ZMAT1: variants seen among roughly 807,000 people sequenced by gnomAD.
ZMAT1 encodes the protein zinc finger matrin-type protein 1.
ZMAT1 carries 11 observed loss-of-function variants against 18.5 expected under a neutral mutation model. The ratio of observed to expected loss-of-function variants is 0.59; its 90% confidence interval spans 0.37 to 0.98. The LOEUF (loss-of-function observed/expected upper bound fraction) is 0.98, where lower values mean the gene tolerates loss of function less well. Ranked by LOEUF, ZMAT1 falls within the 50% of genes least tolerant of loss-of-function variation. ZMAT1 has a pLI of 0.01. For synonymous variants in ZMAT1, 211 were observed against 176.4 expected (o/e 1.20, Z -1.55); for missense variants, 525 against 496.2 (o/e 1.06, Z -0.55).
At position 101,931,985 on chromosome X, in the gene ZMAT1, G is replaced by A. The variant is rs1930545938; in HGVS notation, c.24C>T (p.Val8=). 12 of 769,271 alleles carry A rather than the reference G, an allele frequency of 1.6e-5. No individual in the cohort carries two copies. The highest frequency in any genetic ancestry group is 2.3e-5 in the African/African-American group (1 of 43,681). 63.4% of individuals were successfully genotyped at this position (769,271 alleles called of 1,213,427 possible). A position where few individuals can be genotyped will look rare whatever the true frequency, so the allele number is the denominator to read the frequency against. Residue 8 remains valine, a synonymous_variant, in exon 1 of 6, where the codon GTC becomes GTT. Coordinates refer to ENST00000651725, the MANE Select transcript of ZMAT1 (RefSeq NM_001394560.1). MAAAPST[V]TPLAAESSPQ... The stretch of plus-strand genomic sequence containing the variant: ...GGGAAGACTCCGCCGCCAGCGGGGT[G>A]ACTGTGCTCGGCGCCGCCGCCATCG...
At chrX:101,924,578 T>C (rs150576295) in intron 1 of ZMAT1, among the ~76,000 whole-genome samples, 1,928 of 112,088 alleles carry the variant, frequency 0.017, 46 homozygotes, top group African/African-American at 0.06. Flanking sequence ...AATAAGAAAG[T>C]ACTATCAAAA....
chrX:101,931,518 G>C (rs1048456723), intron 1 of ZMAT1, 199 bp downstream of exon 1: 1,072 of 747,404 alleles, frequency 1.4e-3, no homozygotes, highest in Non-Finnish European at 1.6e-3. Flanking sequence ...GAGAGGTAGG[G>C]AAGGCCCTCT....
At chrX:101,930,428 A>G (rs1205902097) in intron 1 of ZMAT1, among the ~76,000 whole-genome samples, 2 of 112,588 alleles carry the variant, frequency 1.8e-5, no homozygotes, top group Non-Finnish European at 3.8e-5. Flanking sequence ...TCCATATTTA[A>G]TAAGTGGCAT....
chrX:101,912,943 C>G, intron 1 of ZMAT1, among the ~76,000 whole-genome samples: 1 of 111,627 alleles, frequency 9.0e-6, no homozygotes, highest in Middle Eastern at 4.6e-3. Flanking sequence ...ATTAGCAACA[C>G]AGATATTTGT....
intron 4 of ZMAT1, chrX:101,890,136 T>C (rs1422956776): frequency 1.8e-5 from 2 of 111,825 alleles, no homozygotes; most frequent in Non-Finnish European, 3.8e-5. Flanking sequence ...AGTGACTGTA[T>C]CTCCAAATCT....
At chrX:101,925,157 T>A (rs1033829587) in intron 1 of ZMAT1, among the ~76,000 whole-genome samples, 1 of 112,401 alleles carries the variant, frequency 8.9e-6, no homozygotes, top group African/African-American at 3.2e-5. Flanking sequence ...TTTGCTACCA[T>A]GACATAAACA....
intron 1 of ZMAT1, among the ~76,000 whole-genome samples, chrX:101,917,630 G>C (rs1325690389): frequency 8.9e-6 from 1 of 112,182 alleles, no homozygotes; most frequent in Non-Finnish European, 1.9e-5. Flanking sequence ...CCAGTTTGGA[G>C]GTTCCTCAAA....
chrX:101,917,503 GT>G (rs1929415056), intron 1 of ZMAT1, among the ~76,000 whole-genome samples: 1 of 112,261 alleles, frequency 8.9e-6, no homozygotes, highest in East Asian at 2.8e-4. Flanking sequence ...TCTCACCCCT[GT>G]TAAAATGGCT....
chrX:101,893,540 C>T (rs1927579496), intron 4 of ZMAT1, among the ~76,000 whole-genome samples: 1 of 111,424 alleles, frequency 9.0e-6, no homozygotes, highest in Non-Finnish European at 1.9e-5. Flanking sequence ...GATAAGCACT[C>T]AACAAATAAA....
At chrX:101,894,963 C>T (rs1927692491) in intron 4 of ZMAT1, 1 of 635,029 alleles carries the variant, frequency 1.6e-6, no homozygotes, top group South Asian at 8.3e-5. Context: ...TCACTCCAGT[C>T]AGGATCAGTC....
In ZMAT1 at chrX:101,889,267, T is replaced by C. The variant is rs1927200176; in HGVS notation, c.677-2536A>G. On this transcript the variant is annotated intron_variant, in intron 4 of 5. Transcript: ENST00000651725. ...TCCTGGGGCCTGCCTCCATTCTGTT[T>C]CTTATACTCTCCACTCTTTTATTTC... 3 of 111,585 alleles carry C rather than the reference T, an allele frequency of 2.7e-5. No homozygotes were observed. In the South Asian group the frequency reaches 1.1e-3, roughly 42 times the overall value. 9.2% of individuals were successfully genotyped at this position (111,585 alleles called of 1,213,427 possible).
chrX:101,906,813 A>G (rs1928653008), intron 1 of ZMAT1, among the ~76,000 whole-genome samples: 1 of 110,416 alleles, frequency 9.1e-6, no homozygotes, highest in African/African-American at 3.3e-5. Flanking sequence ...TTGGGCTAGC[A>G]TCCACAATCC....
intron 2 of ZMAT1, among the ~76,000 whole-genome samples, chrX:101,900,384 T>C (rs939626175): frequency 8.9e-6 from 1 of 111,780 alleles, no homozygotes; most frequent in Non-Finnish European, 1.9e-5. Context: ...CCTAAGCCAG[T>C]ATCTAGAAGG....
intron 4 of ZMAT1, chrX:101,895,786 G>A (rs1927758847): frequency 1.4e-6 from 1 of 727,122 alleles, no homozygotes; most frequent in Non-Finnish European, 1.6e-6. Context: ...GCTGGGAGAG[G>A]AAGGCATAGT....
intron 1 of ZMAT1, among the ~76,000 whole-genome samples, chrX:101,929,782 T>G (rs1930366604): frequency 9.0e-6 from 1 of 111,640 alleles, no homozygotes; most frequent in African/African-American, 3.3e-5. Flanking sequence ...GTTATTGTTC[T>G]AGTGCACAGC....
At chrX:101,929,373 T>C (rs1329992713) in intron 1 of ZMAT1, among the ~76,000 whole-genome samples, 1 of 101,955 alleles carries the variant, frequency 9.8e-6, no homozygotes, top group Non-Finnish European at 2.0e-5. Context: ...GCCATCATAA[T>C]TGACAACCAT....
At position 101,898,105 on chromosome X, in the gene ZMAT1, C is replaced by A; in HGVS notation, c.501+14G>T. 32 of 1,208,506 alleles carry A rather than the reference C, an allele frequency of 2.6e-5. No homozygotes were observed. The highest frequency in any genetic ancestry group is 3.4e-5 in the Non-Finnish European group (30 of 892,587). ...CTCAAAGTTTGGATTACAATACCAA[C>A]ACACATCACTCACCTGAAAATTCTC... is the stretch of plus-strand genomic sequence containing the variant. On this transcript the variant is annotated intron_variant, in intron 3 of 5. Coordinates refer to ENST00000651725, the MANE Select transcript of ZMAT1 (RefSeq NM_001394560.1).
At chrX:101,900,404 T>C (rs982985472) in intron 2 of ZMAT1, among the ~76,000 whole-genome samples, 1 of 111,742 alleles carries the variant, frequency 8.9e-6, no homozygotes, top group Non-Finnish European at 1.9e-5. Context: ...GGTTTTTCCA[T>C]TGTTATCATC....
intron 1 of ZMAT1, chrX:101,911,523 A>T: frequency 9.9e-7 from 1 of 1,008,483 alleles, no homozygotes; most frequent in East Asian, 3.1e-5. Flanking sequence ...ACAAAAAGTT[A>T]AAAAGTCACC....
Sources: allele counts gnomAD v4.1 joint callset (sites outside exome capture counted in the v4.1 genomes callset), GRCh38; gene constraint gnomAD v4.1.1; transcripts MANE v1.5; gene names NCBI Gene and HGNC (gene_info 2026-07-23, HGNC 2026-07-21).